The following SNX4 variants were observed in gnomAD, a reference collection of about 807,000 sequenced individuals.
SNX4 encodes sorting nexin 4.
Under a neutral mutation model 70.8 loss-of-function variants are expected in SNX4, and 49 were observed. The ratio of observed to expected loss-of-function variants is 0.69; its 90% CI spans 0.55 to 0.88. SNX4 has a LOEUF of 0.88. Ranked by LOEUF, SNX4 falls within the 40% of genes least tolerant of loss-of-function variation. SNX4 has a pLI of 0.00. For missense variants in SNX4, 528 were observed against 544.8 expected (o/e 0.97, Z 0.31); for synonymous variants, 206 against 183.8 (o/e 1.12, Z -0.98).
intron 1 of SNX4, among the ~76,000 whole-genome samples, chr3:125,507,093 A>G (rs1179986311): frequency 1.3e-5 from 2 of 150,318 alleles, no homozygotes; most frequent in East Asian, 3.9e-4. Flanking sequence ...TCCCAATCTC[A>G]GCTACTCAGA....
intron 7 of SNX4, among the ~76,000 whole-genome samples, chr3:125,478,808 C>T (rs190889545): frequency 7.2e-5 from 11 of 152,164 alleles, no homozygotes; most frequent in Non-Finnish European, 1.5e-4. Context: ...GTTTGTCCCC[C>T]ATCTGCACCT....
chr3:125,497,803 AT>A, intron 4 of SNX4, 30 bp downstream of exon 4: 1 of 1,459,464 alleles, frequency 6.9e-7, no homozygotes, highest in Non-Finnish European at 9.2e-7. Flanking sequence ...TTAAATGAAT[AT>A]TTTACTAAGA....
At chr3:125,516,661 T>C (rs535063867) in intron 1 of SNX4, among the ~76,000 whole-genome samples, 302 of 152,212 alleles carry the variant, frequency 2.0e-3, no homozygotes, top group African/African-American at 7.0e-3. Context: ...GCCAACATGG[T>C]GAAACCCCCT....
intron 1 of SNX4, among the ~76,000 whole-genome samples, chr3:125,505,649 A>G (rs774491925): frequency 2.0e-4 from 31 of 152,194 alleles, no homozygotes; most frequent in Non-Finnish European, 2.9e-5. Context: ...AGAGGCACAG[A>G]CGAAGTGGTG....
intron 13 of SNX4, among the ~76,000 whole-genome samples, chr3:125,448,253 T>C (rs555459124): frequency 3.3e-5 from 5 of 151,536 alleles, no homozygotes; most frequent in Non-Finnish European, 7.4e-5. Flanking sequence ...GCCTGCCAAG[T>C]AGCTGGGATC....
At chr3:125,476,821 C>A in intron 7 of SNX4, 65 bp from the exon 8 acceptor site, 5 of 922,792 alleles carry the variant, frequency 5.4e-6, no homozygotes, top group Admixed American at 5.0e-5. Flanking sequence ...AAAAAATAGA[C>A]CCAAAAAACA....
intron 9 of SNX4, among the ~76,000 whole-genome samples, chr3:125,462,810 G>A (rs1933917711): frequency 6.6e-6 from 1 of 152,098 alleles, no homozygotes; most frequent in African/African-American, 2.4e-5. Context: ...AAAATTGGAG[G>A]TTAGCCCAGG....
intron 11 of SNX4, among the ~76,000 whole-genome samples, chr3:125,456,701 C>T (rs1025355066): frequency 4.6e-5 from 7 of 152,160 alleles, no homozygotes; most frequent in Non-Finnish European, 1.5e-5. Context: ...TGCTCTGTCA[C>T]CCAGGCTGGA....
intron 6 of SNX4, among the ~76,000 whole-genome samples, chr3:125,484,072 T>G (rs1182515532): frequency 6.6e-6 from 1 of 152,188 alleles, no homozygotes; most frequent in Non-Finnish European, 1.5e-5. Context: ...CCTGAAATAC[T>G]ATCTATCTAA....
intron 12 of SNX4, among the ~76,000 whole-genome samples, chr3:125,452,495 T>C (rs1049057112): frequency 3.3e-5 from 5 of 152,020 alleles, no homozygotes; most frequent in Admixed American, 6.6e-5. Context: ...GATGGGAGGA[T>C]CACTTGAGCC....
In SNX4 at chr3:125,460,863, GT is replaced by G. The variant is rs748507185; in HGVS notation, c.855-4del. On this transcript the variant is annotated splice_polypyrimidine_tract_variant and splice_region_variant and intron_variant, in intron 9 of 13. Transcript: ENST00000251775. Reference sequence around the variant, plus strand: ...TATCATCAATAGAAGATGCATACCTGTTTTAAAAAAAAAAACACACATTGCA... The same window carrying G: ...TATCATCAATAGAAGATGCATACCTGTTTAAAAAAAAAAACACACATTGCA... 29 of 1,359,498 alleles carry G rather than the reference GT, an allele frequency of 2.1e-5. 1 individual carries two copies. In the African/African-American group the frequency reaches 3.2e-4, roughly 15 times the overall value. 84.2% of individuals were successfully genotyped at this position (1,359,498 alleles called of 1,614,324 possible). A position where few individuals can be genotyped will look rare whatever the true frequency, so the allele number is the denominator to read the frequency against.
In SNX4 at chr3:125,457,523, G is replaced by A. The variant is rs557808757; in HGVS notation, c.945-158C>T. ...AATGTAGTAGCCCAACATTAAAAAT[G>A]GAATCTAATGGAATCTAGCAGAACC... On this transcript the variant is annotated intron_variant, in intron 10 of 13. Transcript: ENST00000251775. 2.0e-5 allele frequency among the ~76,000 whole-genome samples: 3 copies of A among 151,134 alleles called. No individual in the cohort carries two copies. The South Asian group carries it at 6.3e-4, about 32-fold the overall frequency.
chr3:125,490,257 G>A (rs1462646579), intron 5 of SNX4, among the ~76,000 whole-genome samples: 13 of 151,924 alleles, frequency 8.6e-5, no homozygotes, highest in African/African-American at 2.7e-4. Flanking sequence ...GTACTAGGCC[G>A]GGCGCGGTGG....
chr3:125,454,545 G>A (rs962629571), intron 11 of SNX4, among the ~76,000 whole-genome samples: 1 of 152,136 alleles, frequency 6.6e-6, no homozygotes, highest in African/African-American at 2.4e-5. Context: ...CTGATTTAAA[G>A]TATACAAAAG....
At chr3:125,514,041 T>C (rs989337795) in intron 1 of SNX4, among the ~76,000 whole-genome samples, 10 of 151,776 alleles carry the variant, frequency 6.6e-5, no homozygotes, top group African/African-American at 2.2e-4. Context: ...TGGATTTTTT[T>C]TTTTTTTTAA....
chr3:125,474,171 G>GA (rs1934239748), intron 8 of SNX4, among the ~76,000 whole-genome samples: 1 of 151,976 alleles, frequency 6.6e-6, no homozygotes, highest in Non-Finnish European at 1.5e-5. Flanking sequence ...CTGAATGACT[G>GA]AAAAAAATCC....
At chr3:125,480,523 T>G (rs1934386482) in intron 6 of SNX4, among the ~76,000 whole-genome samples, 1 of 152,150 alleles carries the variant, frequency 6.6e-6, no homozygotes, top group Non-Finnish European at 1.5e-5. Context: ...AGTCAAGATA[T>G]CACACTTCAT....
At chr3:125,460,968 G>T in intron 9 of SNX4, 108 bp from the exon 10 acceptor site, 1 of 447,544 alleles carries the variant, frequency 2.2e-6, no homozygotes, top group South Asian at 4.3e-5. Flanking sequence ...GCTCACACCT[G>T]TAATCCCAGC....
intron 5 of SNX4, among the ~76,000 whole-genome samples, chr3:125,489,753 C>T (rs547305346): frequency 2.0e-5 from 3 of 152,290 alleles, no homozygotes; most frequent in Non-Finnish European, 2.9e-5. Context: ...TATTAGAATT[C>T]GGAAGAGGTC....
Sources: gnomAD v4.1 joint callset for allele counts (sites outside exome capture counted in the v4.1 genomes callset) on GRCh38, gnomAD v4.1.1 for gene constraint, MANE v1.5 for transcripts, NCBI Gene and HGNC (gene_info 2026-07-23, HGNC 2026-07-21) for gene names.